Variants in NEDD1 observed in about 807,000 individuals in gnomAD.
NEDD1 encodes the protein NEDD1 gamma-tubulin ring complex targeting factor.
NEDD1 carries 33 observed loss-of-function variants against 74.0 expected under a neutral mutation model. That is an observed-to-expected ratio of 0.45 (90% confidence interval 0.34 to 0.60). NEDD1 has a LOEUF of 0.60. Among genes scored for constraint, NEDD1 ranks in the 20% least tolerant of loss-of-function variants. NEDD1 has a pLI of 0.01. For synonymous variants in NEDD1, 250 were observed against 264.4 expected (o/e 0.95, Z 0.53); for missense variants, 746 against 776.5 (o/e 0.96, Z 0.47).
At chr12:96,947,272 G>C (rs941221348) in intron 14 of NEDD1, among the ~76,000 whole-genome samples, 2 of 152,128 alleles carry the variant, frequency 1.3e-5, no homozygotes, top group African/African-American at 4.8e-5. Context: ...TCTGGATACA[G>C]CTGACTATAA....
chr12:96,907,861 G>A lies in NEDD1; in HGVS notation c.-9+5G>A. The A allele has an allele frequency of 2.2e-6, 3 of 1,350,790 alleles. No homozygotes were observed. Among genetic ancestry groups the A allele is most frequent in the South Asian group, 3.8e-5 (2 of 53,078 alleles). The allele number at this position is 1,350,790 out of a possible 1,614,324, so 83.7% of individuals were successfully genotyped here. ...CTCAGTTCTTAGAAGACCGAGGTAG[G>A]TGGGCAGATGGTCCTCTTCCCCGCC... On this transcript the variant is annotated splice_donor_5th_base_variant and intron_variant, in intron 2 of 15. Transcript: ENST00000266742.
Position 96,907,822 on chromosome 12 carries a change from T to A in NEDD1, c.-43T>A. On this transcript the variant is annotated 5_prime_UTR_variant, in exon 2 of 16. Coordinates refer to ENST00000266742, the MANE Select transcript of NEDD1 (RefSeq NM_152905.4). ...CCGTCTTTGAGGGACTCATGTAAAGTCTCTCCCTTAATGCTCAGTTCTTAG... is the reference window on the plus strand; with the variant it reads ...CCGTCTTTGAGGGACTCATGTAAAGACTCTCCCTTAATGCTCAGTTCTTAG... 2 of 1,447,978 alleles carry A rather than the reference T, an allele frequency of 1.4e-6. No homozygotes were observed. The highest frequency in any genetic ancestry group is 2.1e-4 in the Middle Eastern group (1 of 4,768). 89.7% of individuals were successfully genotyped at this position (1,447,978 alleles called of 1,614,324 possible). A position where few individuals can be genotyped will look rare whatever the true frequency, so the allele number is the denominator to read the frequency against.
At chr12:96,921,271 TC>T (rs1875054686) in intron 6 of NEDD1, among the ~76,000 whole-genome samples, 2 of 152,164 alleles carry the variant, frequency 1.3e-5, no homozygotes, top group South Asian at 4.1e-4. Context: ...AACCACTGTC[TC>T]CCGGGTTCAA....
chr12:96,925,832 T>C (rs1484083541), intron 6 of NEDD1, among the ~76,000 whole-genome samples: 1 of 152,220 alleles, frequency 6.6e-6, no homozygotes, highest in Non-Finnish European at 1.5e-5. Context: ...GAGATCTTCA[T>C]GGGCCTGCTG....
intron 4 of NEDD1, among the ~76,000 whole-genome samples, chr12:96,915,781 T>A (rs1874375411): frequency 1.3e-5 from 2 of 152,232 alleles, no homozygotes; most frequent in Non-Finnish European, 2.9e-5. Context: ...TTAGCCATTC[T>A]ATAAAGATGG....
At chr12:96,951,299 T>C (rs1878683697) in intron 14 of NEDD1, 133 bp from the exon 15 acceptor site, 1 of 509,502 alleles carries the variant, frequency 2.0e-6, no homozygotes, top group Non-Finnish European at 3.5e-6. Flanking sequence ...GCTCAGTGCA[T>C]TGGTATTTTT....
At chr12:96,928,213 G>C (rs1167833774) in intron 6 of NEDD1, among the ~76,000 whole-genome samples, 7 of 151,900 alleles carry the variant, frequency 4.6e-5, no homozygotes, top group Non-Finnish European at 4.4e-5. Context: ...CATGTTTTCT[G>C]CCTGTTCTCA....
In NEDD1 at chr12:96,951,438, A is replaced by G; in HGVS notation, c.1818A>G (p.Ala606=). 2.6e-6 allele frequency: 4 copies of G among 1,556,078 alleles called. No homozygotes were observed. In the South Asian group the frequency reaches 4.6e-5, roughly 18 times the overall value. Residue 606 remains alanine, a synonymous_variant, in exon 15 of 16, where the codon GCA becomes GCG. Transcript: ENST00000266742. ...TATTTTACATTCTTCCTAGAGAAGC[A>G]TGCCATAGGGACATTGTGAATTTGC... ...IQETLDDFRE[A]CHRDIVNLQV... is the part of the protein sequence containing the mutation.
chr12:96,938,785 CAT>C (rs1877375958), intron 9 of NEDD1, among the ~76,000 whole-genome samples: 2 of 150,460 alleles, frequency 1.3e-5, no homozygotes, highest in African/African-American at 4.9e-5. Context: ...ACATTTGCTT[CAT>C]CATTCTCTTT....
chr12:96,912,915 T>A, intron 4 of NEDD1, 98 bp downstream of exon 4: 3 of 617,270 alleles, frequency 4.9e-6, no homozygotes, highest in South Asian at 2.1e-5. Context: ...TAAAGGTTTT[T>A]AAAAGCATTA....
chr12:96,911,381 T>A (rs918386416), intron 3 of NEDD1, among the ~76,000 whole-genome samples: 1 of 152,256 alleles, frequency 6.6e-6, no homozygotes, highest in Non-Finnish European at 1.5e-5. Flanking sequence ...TTTTGGAAAT[T>A]GGTCTTACAG....
intron 3 of NEDD1, chr12:96,912,502 G>A: frequency 2.7e-6 from 1 of 370,226 alleles, no homozygotes. Context: ...TTGAGTGATA[G>A]CAGAGCCAGA....
intron 6 of NEDD1, among the ~76,000 whole-genome samples, chr12:96,920,868 A>T (rs1278599735): frequency 6.6e-6 from 1 of 152,178 alleles, no homozygotes; most frequent in Non-Finnish European, 1.5e-5. Flanking sequence ...TTATTACTTG[A>T]ATAGTATTTA....
At chr12:96,932,905 G>A (rs1876700209) in intron 6 of NEDD1, among the ~76,000 whole-genome samples, 1 of 151,714 alleles carries the variant, frequency 6.6e-6, no homozygotes, top group Admixed American at 6.6e-5. Flanking sequence ...GAGTTTTGGA[G>A]AGTTTAAGTA....
rs1267711077 is a variant in NEDD1, at chr12:96,911,216, C to A, written c.136+1321C>A. Among the ~76,000 whole-genome samples, 3 of 152,130 alleles carry A rather than the reference C, an allele frequency of 2.0e-5. No individual in the cohort carries two copies. In the East Asian group the frequency reaches 5.8e-4, roughly 29 times the overall value. ...TTCATTATGTTTAGAGCTTAATTTT[C>A]CCTCTTACTATATAAGAGAAAGGTA... On this transcript the variant is annotated intron_variant, in intron 3 of 15. Coordinates refer to ENST00000266742, the MANE Select transcript of NEDD1 (RefSeq NM_152905.4).
intron 2 of NEDD1, among the ~76,000 whole-genome samples, chr12:96,908,864 ATTAT>A (rs1392182626): frequency 1.3e-5 from 2 of 152,158 alleles, no homozygotes; most frequent in Non-Finnish European, 2.9e-5. Flanking sequence ...GGAGACAGAC[ATTAT>A]AAGAACAAAT....
At chr12:96,916,645 C>T (rs1874497227) in intron 4 of NEDD1, among the ~76,000 whole-genome samples, 1 of 149,560 alleles carries the variant, frequency 6.7e-6, no homozygotes, top group Non-Finnish European at 1.5e-5. Flanking sequence ...TTTCTTAATC[C>T]AGTCTATCAT....
chr12:96,936,755 T>A lies in NEDD1; in HGVS notation c.864T>A (p.Ser288Arg). The A allele has an allele frequency of 3.7e-6, 6 of 1,613,056 alleles. No individual in the cohort carries two copies. The highest frequency in any genetic ancestry group is 5.1e-6 in the Non-Finnish European group (6 of 1,179,092). ...TGAAATCACCAGTTAAGACCATCAG[T>A]GCTCACAAGACATCTGTGCAGTGTA... ...RMLKSPVKTI[S>R]AHKTSVQCIA... is the part of the protein sequence containing the mutation. The change falls in exon 8 of 16, where the codon AGT (serine) becomes AGA (arginine). Residue 288 changes from serine (S) to arginine (R), a missense_variant. Transcript: ENST00000266742.
intron 10 of NEDD1, among the ~76,000 whole-genome samples, chr12:96,942,017 G>A (rs1010594704): frequency 6.6e-6 from 1 of 151,950 alleles, no homozygotes; most frequent in Non-Finnish European, 1.5e-5. Flanking sequence ...TGTTAAATTT[G>A]AATTTTACAA....
Sources: gnomAD v4.1 joint callset for allele counts (sites outside exome capture counted in the v4.1 genomes callset) on GRCh38, gnomAD v4.1.1 for gene constraint, MANE v1.5 for transcripts, NCBI Gene and HGNC (gene_info 2026-07-23, HGNC 2026-07-21) for gene names.